C7orf33: variants seen among roughly 807,000 people sequenced by gnomAD.
C7orf33 encodes chromosome 7 open reading frame 33, also known as uncharacterized protein C7orf33.
In C7orf33, 15 loss-of-function variants were observed where a neutral mutation model predicts 13.4. That is an observed-to-expected ratio of 1.12 (90% CI 0.75 to 1.72). The LOEUF (loss-of-function observed/expected upper bound fraction) is 1.72. Among genes scored for constraint, C7orf33 ranks in the 40% most tolerant of loss-of-function variants. The pLI is 0.00. For missense variants in C7orf33, 187 were observed against 220.3 expected (o/e 0.85, Z 0.96); for synonymous variants, 73 against 83.2 (o/e 0.88, Z 0.67).
At chr7:148,599,100 T>G (rs967168678) in intron 1 of C7orf33, among the ~76,000 whole-genome samples, 1 of 151,954 alleles carries the variant, frequency 6.6e-6, no homozygotes, top group African/African-American at 2.4e-5. Flanking sequence ...TGACCTCAAG[T>G]GATCCACCCA....
chr7:148,598,073 C>G (rs1796363487), intron 1 of C7orf33, among the ~76,000 whole-genome samples: 1 of 152,138 alleles, frequency 6.6e-6, no homozygotes, highest in South Asian at 2.1e-4. Flanking sequence ...GTTTCTTATA[C>G]TCTACTTACA....
At chr7:148,599,616 A>C (rs1796390469) in intron 1 of C7orf33, among the ~76,000 whole-genome samples, 1 of 151,826 alleles carries the variant, frequency 6.6e-6, no homozygotes, top group Non-Finnish European at 1.5e-5. Flanking sequence ...CTGGAATTAC[A>C]GGTGCGCACC....
At chr7:148,602,515 T>C (rs1796428268) in intron 1 of C7orf33, among the ~76,000 whole-genome samples, 1 of 152,116 alleles carries the variant, frequency 6.6e-6, no homozygotes, top group Non-Finnish European at 1.5e-5. Flanking sequence ...TGAGAATTGC[T>C]TGAACCCAGG....
chr7:148,606,571 A>C (rs182079751), intron 1 of C7orf33, among the ~76,000 whole-genome samples: 1 of 152,166 alleles, frequency 6.6e-6, no homozygotes, highest in East Asian at 1.9e-4. Flanking sequence ...CTCAATCCTC[A>C]TAGGTCTTTT....
chr7:148,606,403 C>T (rs757960486), intron 1 of C7orf33, among the ~76,000 whole-genome samples: 5 of 152,196 alleles, frequency 3.3e-5, no homozygotes, highest in East Asian at 3.9e-4. Flanking sequence ...GTCATTGCAG[C>T]GGGTGTGGAA....
In C7orf33 at chr7:148,595,604, ATAT is replaced by A. The variant is rs553864962; in HGVS notation, c.204+4479_204+4481del. Reference sequence around the variant, plus strand: ...ATAGATCTATATTATATAGATATACATATTATATATATTATATATAATATACAT... The same window carrying A: ...ATAGATCTATATTATATAGATATACATATATATATTATATATAATATACAT... On this transcript the variant is annotated intron_variant, in intron 1 of 2. Coordinates refer to ENST00000307003, the MANE Select transcript of C7orf33 (RefSeq NM_145304.4). Among the ~76,000 whole-genome samples the A allele has an allele frequency of 3.0e-3, 368 of 123,038 alleles. 9 individuals carry two copies. Among genetic ancestry groups the A allele is most frequent in the Admixed American group, 0.028 (338 of 12,004 alleles). The allele number at this position is 123,038 out of a possible 152,430, so 80.7% of individuals were successfully genotyped here.
At chr7:148,611,881 C>T (rs1796547762) in intron 1 of C7orf33, among the ~76,000 whole-genome samples, 1 of 152,216 alleles carries the variant, frequency 6.6e-6, no homozygotes, top group South Asian at 2.1e-4. Flanking sequence ...CATGCTCCCC[C>T]TAGGGGTTTG....
intron 1 of C7orf33, among the ~76,000 whole-genome samples, chr7:148,603,372 C>G (rs573992392): frequency 6.6e-6 from 1 of 152,086 alleles, no homozygotes; most frequent in South Asian, 2.1e-4. Flanking sequence ...GCCTGGCCAA[C>G]ATGGTGAAAC....
In C7orf33 at chr7:148,596,568, G is replaced by A. The variant is rs553370631; in HGVS notation, c.204+5439G>A. ...CAGCAGGCAAAGAAAGAATGAGAAA[G>A]ACGCAAAAGCAGAAACCCCTGATAA... On this transcript the variant is annotated intron_variant, in intron 1 of 2. Coordinates refer to ENST00000307003, the MANE Select transcript of C7orf33 (RefSeq NM_145304.4). 4.6e-5 allele frequency among the ~76,000 whole-genome samples: 7 copies of A among 152,248 alleles called. No homozygotes were observed. In the South Asian group the frequency reaches 1.0e-3, roughly 23 times the overall value.
At chr7:148,610,346 A>C (rs954512198) in intron 1 of C7orf33, among the ~76,000 whole-genome samples, 8 of 152,190 alleles carry the variant, frequency 5.3e-5, no homozygotes, top group African/African-American at 1.9e-4. Flanking sequence ...CTGCCAGCAC[A>C]GCTAGAATAT....
chr7:148,598,225 T>G (rs1212670340), intron 1 of C7orf33, among the ~76,000 whole-genome samples: 1 of 152,178 alleles, frequency 6.6e-6, no homozygotes, highest in Non-Finnish European at 1.5e-5. Flanking sequence ...GCATCCATAT[T>G]GAAATGTTCA....
In C7orf33 at chr7:148,614,236, C is replaced by G. The variant is rs1178851749; in HGVS notation, c.399C>G (p.Tyr133Ter). The G allele has an allele frequency of 4.3e-6, 7 of 1,614,038 alleles. No individual in the cohort carries two copies. The highest frequency in any genetic ancestry group is 5.9e-6 in the Non-Finnish European group (7 of 1,179,998). Residue 133 changes from tyrosine to a stop codon, truncating the protein, a stop_gained, in exon 2 of 3, where the codon TAC (tyrosine) becomes TAG (stop). Coordinates refer to ENST00000307003, the MANE Select transcript of C7orf33 (RefSeq NM_145304.4). LOFTEE classifies it high-confidence loss of function. ...TTGTCGGCACCTTGTCTTCCAGTTA[C>G]CTAGATCTGCTAACTCTCTCTTACA... is the stretch of plus-strand genomic sequence containing the variant. ...DPVVGTLSSS[Y>*]LDLLTLSYKP...
At chr7:148,609,777 T>C (rs903283103) in intron 1 of C7orf33, among the ~76,000 whole-genome samples, 4 of 152,232 alleles carry the variant, frequency 2.6e-5, no homozygotes, top group African/African-American at 9.6e-5. Flanking sequence ...TTCCCTCTGA[T>C]ACTTGGCCGC....
intron 1 of C7orf33, among the ~76,000 whole-genome samples, chr7:148,611,094 G>A (rs927859496): frequency 6.6e-6 from 1 of 152,148 alleles, no homozygotes; most frequent in African/African-American, 2.4e-5. Context: ...ACTGTAGGTG[G>A]GCAGTAGCCA....
rs763194440 is a variant in C7orf33 at position 148,614,171 on chromosome 7, A to G, written c.334A>G (p.Ile112Val). ...GPTDAQRAVR[I>V]RPGTRMGLSS... The stretch of plus-strand genomic sequence containing the variant: ...CACGGATGCCCAGAGAGCAGTCAGA[A>G]TCAGGCCAGGCACCAGGATGGGCTT... Residue 112 changes from isoleucine to valine, a missense_variant, in exon 2 of 3, where the codon ATC becomes GTC. Physicochemically the swap from Ile to Val is conservative, Grantham distance 29 (BLOSUM62 3). Coordinates refer to ENST00000307003, the MANE Select transcript of C7orf33 (RefSeq NM_145304.4). 6.6e-5 allele frequency: 107 copies of G among 1,614,086 alleles called. No individual in the cohort carries two copies. Among genetic ancestry groups the G allele is most frequent in the Non-Finnish European group, 8.6e-5 (102 of 1,180,048 alleles).
chr7:148,591,212 T>TA, intron 1 of C7orf33, 83 bp downstream of exon 1: 1 of 1,151,170 alleles, frequency 8.7e-7, no homozygotes, highest in Admixed American at 1.8e-5. Context: ...AATCCATGAA[T>TA]GTTTTTGACT....
intron 1 of C7orf33, among the ~76,000 whole-genome samples, chr7:148,595,765 C>A (rs10270150): frequency 0.011 from 1,475 of 138,956 alleles, 52 homozygotes; most frequent in African/African-American, 0.038. Context: ...ATATATATAT[C>A]TATATCTCAA....
intron 1 of C7orf33, among the ~76,000 whole-genome samples, chr7:148,604,900 A>G (rs951293066): frequency 6.6e-6 from 1 of 152,220 alleles, no homozygotes; most frequent in African/African-American, 2.4e-5. Context: ...ACTAGCAGCA[A>G]TGTATATACA....
At chr7:148,609,824 C>T (rs1796514938) in intron 1 of C7orf33, among the ~76,000 whole-genome samples, 2 of 152,198 alleles carry the variant, frequency 1.3e-5, no homozygotes, top group African/African-American at 2.4e-5. Flanking sequence ...AGTCAGGCCT[C>T]TGTTACAGGA....
Sources: allele counts gnomAD v4.1 joint callset (sites outside exome capture counted in the v4.1 genomes callset), GRCh38; gene constraint gnomAD v4.1.1; transcripts MANE v1.5; gene names NCBI Gene and HGNC (gene_info 2026-07-23, HGNC 2026-07-21).